AKAP19: variants seen among roughly 807,000 people sequenced by gnomAD.
AKAP19 encodes the protein A-kinase anchoring protein 19.
the AKAP19 span, among the ~76,000 whole-genome samples, chr2:190,106,207 C>A: frequency 2.0e-5 from 3 of 152,182 alleles, no homozygotes; most frequent in African/African-American, 7.2e-5. Flanking sequence ...GTGCTTACAT[C>A]TAAATGGCCT....
the AKAP19 span, among the ~76,000 whole-genome samples, chr2:190,177,172 T>G: frequency 3.9e-5 from 6 of 152,198 alleles, no homozygotes; most frequent in Admixed American, 2.0e-4. This position sits in a 1 kb window ranked among gnomAD's most constrained non-coding sequence, Gnocchi z 4.6. Flanking sequence ...CATTTACATT[T>G]TCCTCTACCC....
the AKAP19 span, among the ~76,000 whole-genome samples, chr2:189,981,385 C>A: frequency 1.3e-5 from 2 of 151,452 alleles, no homozygotes; most frequent in Non-Finnish European, 2.9e-5. Context: ...TTACTTTGAG[C>A]CTGTGGGTGT....
chr2:190,074,566 G>A, the AKAP19 span, among the ~76,000 whole-genome samples: 1 of 151,914 alleles, frequency 6.6e-6, no homozygotes, highest in Non-Finnish European at 1.5e-5. Flanking sequence ...CAGGAGATTC[G>A]CTTAAACCCG....
chr2:190,095,194 T>A, the AKAP19 span, among the ~76,000 whole-genome samples: 1 of 152,006 alleles, frequency 6.6e-6, no homozygotes, highest in African/African-American at 2.4e-5. Flanking sequence ...TGCACTCTAG[T>A]CTGGGCGACA....
the AKAP19 span, among the ~76,000 whole-genome samples, chr2:189,975,694 T>C: frequency 6.6e-6 from 1 of 152,174 alleles, no homozygotes; most frequent in East Asian, 1.9e-4. Context: ...TTACTCTTTT[T>C]TTTCTCTAGA....
At chr2:190,200,306 T>TTAAG in the AKAP19 span, 1 of 657,564 alleles carries the variant, frequency 1.5e-6, no homozygotes. Context: ...GAAATGCATT[T>TTAAG]TAAGTACTTC....
chr2:190,046,643 T>C, the AKAP19 span, among the ~76,000 whole-genome samples: 14 of 152,214 alleles, frequency 9.2e-5, no homozygotes, highest in African/African-American at 3.4e-4. Context: ...ATTCTAAATA[T>C]AGACTTGAAA....
the AKAP19 span, among the ~76,000 whole-genome samples, chr2:189,915,959 A>T: frequency 6.6e-6 from 1 of 152,264 alleles, no homozygotes; most frequent in East Asian, 1.9e-4. Flanking sequence ...TAGTGTCTCC[A>T]TCAAAACTAG....
At chr2:190,053,241 T>C in the AKAP19 span, among the ~76,000 whole-genome samples, 1 of 152,232 alleles carries the variant, frequency 6.6e-6, no homozygotes, top group Non-Finnish European at 1.5e-5. Context: ...TTATTTTATA[T>C]ACATTTTATG....
chr2:190,154,915 G>C, the AKAP19 span, among the ~76,000 whole-genome samples: 1 of 152,192 alleles, frequency 6.6e-6, no homozygotes, highest in African/African-American at 2.4e-5. Context: ...TGTGTTTGGA[G>C]GCAGGTCTCC....
the AKAP19 span, among the ~76,000 whole-genome samples, chr2:190,075,496 G>A: frequency 6.6e-6 from 1 of 152,068 alleles, no homozygotes; most frequent in African/African-American, 2.4e-5. Context: ...GTTTTTAAAT[G>A]TATTTTAAAG....
At chr2:190,055,137 A>G in the AKAP19 span, among the ~76,000 whole-genome samples, 8 of 152,304 alleles carry the variant, frequency 5.3e-5, no homozygotes, top group African/African-American at 1.9e-4. Flanking sequence ...ACCATGGAAT[A>G]CTATGCAGCC....
chr2:190,015,377 A>G, the AKAP19 span, among the ~76,000 whole-genome samples: 2 of 152,202 alleles, frequency 1.3e-5, no homozygotes, highest in African/African-American at 4.8e-5. Flanking sequence ...CCTCTGAAAC[A>G]ACAGCCTCAG....
At chr2:190,145,259 C>T in the AKAP19 span, among the ~76,000 whole-genome samples, 1 of 152,288 alleles carries the variant, frequency 6.6e-6, no homozygotes, top group South Asian at 2.1e-4. Flanking sequence ...AGAGTGAGAC[C>T]TTGTTCCAGA....
At chr2:189,974,964 C>T in the AKAP19 span, among the ~76,000 whole-genome samples, 1 of 152,128 alleles carries the variant, frequency 6.6e-6, no homozygotes, top group Non-Finnish European at 1.5e-5. Flanking sequence ...TTAATTGGAG[C>T]ATTTAGCCCA....
the AKAP19 span, among the ~76,000 whole-genome samples, chr2:189,912,962 G>T: frequency 2.0e-5 from 3 of 152,092 alleles, no homozygotes; most frequent in Non-Finnish European, 4.4e-5. Context: ...AAGCTGTAGA[G>T]TATTTTATTT....
chr2:189,886,826 A>G, the AKAP19 span, among the ~76,000 whole-genome samples: 1 of 152,206 alleles, frequency 6.6e-6, no homozygotes, highest in African/African-American at 2.4e-5. Flanking sequence ...CATATGTGCC[A>G]TAACAAAGCT....
the AKAP19 span, among the ~76,000 whole-genome samples, chr2:189,919,414 C>CT: frequency 6.6e-6 from 1 of 151,378 alleles, no homozygotes; most frequent in Non-Finnish European, 1.5e-5. Context: ...TTTTTACATC[C>CT]TTTTTTTTCT....
chr2:190,173,420 A>G, the AKAP19 span, among the ~76,000 whole-genome samples: 1 of 152,236 alleles, frequency 6.6e-6, no homozygotes, highest in Non-Finnish European at 1.5e-5. Context: ...CAAGGACCAC[A>G]GCAGAACTCA....
Sources: allele counts gnomAD v4.1 joint callset (sites outside exome capture counted in the v4.1 genomes callset), GRCh38; gene constraint gnomAD v4.1.1; non-coding constraint Gnocchi (gnomAD v3.1); transcripts MANE v1.5; gene names NCBI Gene and HGNC (gene_info 2026-07-23, HGNC 2026-07-21).